The following CNTNAP4 variants were observed in gnomAD, a reference collection of about 807,000 sequenced individuals.
The protein encoded by CNTNAP4 is contactin-associated protein-like 4.
In CNTNAP4, 98 loss-of-function variants were observed where a neutral mutation model predicts 148.4. The ratio of observed to expected loss-of-function variants is 0.66; its 90% confidence interval spans 0.56 to 0.78. CNTNAP4 has a LOEUF of 0.78. CNTNAP4 is among the 30% of genes least tolerant of loss of function. The probability of loss-of-function intolerance (pLI) is 0.00; values close to 1 mark genes in which losing one functional copy is unlikely to be tolerated. For missense variants in CNTNAP4, 1,935 were observed against 1,565.6 expected (o/e 1.24, Z -3.98); for synonymous variants, 730 against 565.1 (o/e 1.29, Z -4.14).
intron 5 of CNTNAP4, among the ~76,000 whole-genome samples, chr16:76,448,489 G>A (rs1411504447): frequency 6.6e-6 from 1 of 152,002 alleles, no homozygotes; most frequent in Non-Finnish European, 1.5e-5. Flanking sequence ...AAATGTTGAG[G>A]TAGTAAAAAT....
intron 1 of CNTNAP4, among the ~76,000 whole-genome samples, chr16:76,295,333 G>T (rs1342656272): frequency 2.0e-5 from 3 of 152,230 alleles, no homozygotes; most frequent in Non-Finnish European, 4.4e-5. Flanking sequence ...AGGTCATGAG[G>T]AATCCTGTAG....
chr16:76,449,907 C>T (rs774814951), intron 7 of CNTNAP4, 49 bp downstream of exon 7: 2 of 1,500,406 alleles, frequency 1.3e-6, no homozygotes, highest in Non-Finnish European at 8.9e-7. Context: ...TTCTTTTTTC[C>T]ACACAGTAAA....
Position 76,445,373 on chromosome 16 carries a change from A to C in CNTNAP4, c.539-2639A>C, listed in dbSNP as rs558144967. 1.6e-4 allele frequency among the ~76,000 whole-genome samples: 25 copies of C among 152,300 alleles called. No individual in the cohort carries two copies. In the South Asian group the frequency reaches 4.6e-3, roughly 28 times the overall value. On this transcript the variant is annotated intron_variant, in intron 4 of 23. Coordinates refer to ENST00000611870, the MANE Select transcript of CNTNAP4 (RefSeq NM_033401.5). ...CACTAAATGGAAACACCATGAGGAC[A>C]GGGGCCATATTTATGTTGAATTTTT...
rs566577152 is a variant in CNTNAP4 at position 76,445,155 on chromosome 16, G to A, written c.539-2857G>A. ...ATGGGGACAAGTTATAGGACTTGAAGACTGTAGAGGGTGGCAAGATTACTG... is the reference window on the plus strand; with the variant it reads ...ATGGGGACAAGTTATAGGACTTGAAAACTGTAGAGGGTGGCAAGATTACTG... On this transcript the variant is annotated intron_variant, in intron 4 of 23. Coordinates refer to ENST00000611870, the MANE Select transcript of CNTNAP4 (RefSeq NM_033401.5). 2.6e-5 allele frequency among the ~76,000 whole-genome samples: 4 copies of A among 152,254 alleles called. No homozygotes were observed. In the East Asian group the frequency reaches 7.7e-4, roughly 29 times the overall value.
chr16:76,471,815 C>T (rs773922999), intron 10 of CNTNAP4, among the ~76,000 whole-genome samples: 3 of 152,090 alleles, frequency 2.0e-5, no homozygotes, highest in Non-Finnish European at 4.4e-5. Context: ...TGATTCTTGT[C>T]AATATCAAAG....
chr16:76,396,725 G>A (rs1217979395), intron 3 of CNTNAP4, among the ~76,000 whole-genome samples: 1 of 152,106 alleles, frequency 6.6e-6, no homozygotes, highest in African/African-American at 2.4e-5. Context: ...CATGCCTACT[G>A]TGTATCAGCC....
intron 8 of CNTNAP4, among the ~76,000 whole-genome samples, chr16:76,457,173 GC>G (rs2080767427): frequency 6.6e-6 from 1 of 152,130 alleles, no homozygotes; most frequent in Non-Finnish European, 1.5e-5. Flanking sequence ...CAGTGGTGCG[GC>G]CCTTGAAAAG....
intron 3 of CNTNAP4, among the ~76,000 whole-genome samples, chr16:76,365,788 G>T (rs1188927898): frequency 6.7e-6 from 1 of 149,946 alleles, no homozygotes. Context: ...GAATCATCTG[G>T]GTAATTACTT....
intron 13 of CNTNAP4, among the ~76,000 whole-genome samples, chr16:76,493,540 A>G (rs2082298545): frequency 6.6e-6 from 1 of 152,086 alleles, no homozygotes; most frequent in Non-Finnish European, 1.5e-5. Context: ...AAAAACATTC[A>G]GTGATTTCTA....
At chr16:76,446,030 G>A (rs4257232) in intron 4 of CNTNAP4, among the ~76,000 whole-genome samples, 94,249 of 151,970 alleles carry the variant, frequency 0.62, 29,484 homozygotes, top group South Asian at 0.71. Flanking sequence ...ACAGAATGCA[G>A]TATTTATTCA....
In CNTNAP4 at chr16:76,538,472, T is replaced by C. The variant is rs1016427144; in HGVS notation, c.3220+132T>C. On this transcript the variant is annotated intron_variant, in intron 19 of 23. Transcript: ENST00000611870. Reference sequence around the variant, plus strand: ...GGAGTGTGCCTGTTTTTTGTAGTCATATTTTTAGTACTATCCTATAAGTAT... The same window carrying C: ...GGAGTGTGCCTGTTTTTTGTAGTCACATTTTTAGTACTATCCTATAAGTAT... 9.3e-6 allele frequency: 6 copies of C among 645,094 alleles called. No individual in the cohort carries two copies. The Admixed American group carries it at 2.1e-4, about 22-fold the overall frequency. The allele number at this position is 645,094 out of a possible 1,614,324, so 40.0% of individuals were successfully genotyped here.
At chr16:76,516,604 C>A (rs6564347) in intron 15 of CNTNAP4, among the ~76,000 whole-genome samples, 1 of 152,190 alleles carries the variant, frequency 6.6e-6, no homozygotes, top group South Asian at 2.1e-4. Context: ...AATATTTGTA[C>A]ACAGATGTTG....
chr16:76,433,473 A>T (rs182961674), intron 4 of CNTNAP4, among the ~76,000 whole-genome samples: 76 of 152,276 alleles, frequency 5.0e-4, no homozygotes, highest in African/African-American at 1.6e-3. Flanking sequence ...TTTATTATTT[A>T]AAAAAATTCC....
At chr16:76,286,735 A>G (rs144844480) in intron 1 of CNTNAP4, among the ~76,000 whole-genome samples, 1 of 152,172 alleles carries the variant, frequency 6.6e-6, no homozygotes, top group Non-Finnish European at 1.5e-5. Flanking sequence ...TTTCACTTTT[A>G]TCTCTCAATT....
At chr16:76,278,614 C>T (rs891442441) in intron 1 of CNTNAP4, among the ~76,000 whole-genome samples, 1 of 152,146 alleles carries the variant, frequency 6.6e-6, no homozygotes, top group Non-Finnish European at 1.5e-5. Flanking sequence ...AGAATTTTCC[C>T]CTCCTGATTA....
chr16:76,431,810 T>C (rs2079617232), intron 4 of CNTNAP4, among the ~76,000 whole-genome samples: 1 of 152,148 alleles, frequency 6.6e-6, no homozygotes, highest in Non-Finnish European at 1.5e-5. Context: ...GATCCTTTTT[T>C]TTTCCTTCAA....
chr16:76,498,475 G>T (rs2082485544), intron 14 of CNTNAP4, 92 bp from the exon 15 acceptor site: 4 of 1,009,090 alleles, frequency 4.0e-6, no homozygotes, highest in Admixed American at 2.4e-5. Context: ...CTCTTTTGTA[G>T]GTGCAAATTT....
chr16:76,429,888 A>T (rs1197201618), intron 4 of CNTNAP4, among the ~76,000 whole-genome samples: 1 of 152,182 alleles, frequency 6.6e-6, no homozygotes, highest in East Asian at 1.9e-4. Context: ...AGGATTTTAA[A>T]CTCAAACTTA....
At chr16:76,340,600 C>A (rs1426003374) in intron 2 of CNTNAP4, among the ~76,000 whole-genome samples, 1 of 152,140 alleles carries the variant, frequency 6.6e-6, no homozygotes, top group Admixed American at 6.5e-5. Context: ...CCTCACTAAA[C>A]TTTCTCCGAT....
Sources: gnomAD v4.1 joint callset for allele counts (sites outside exome capture counted in the v4.1 genomes callset) on GRCh38, gnomAD v4.1.1 for gene constraint, MANE v1.5 for transcripts, NCBI Gene and HGNC (gene_info 2026-07-23, HGNC 2026-07-21) for gene names.